TRERF1: variants seen among roughly 807,000 people sequenced by gnomAD.
The protein encoded by TRERF1 is transcriptional regulating factor 1.
Under a neutral mutation model 122.9 loss-of-function variants are expected in TRERF1, and 27 were observed. That is an observed-to-expected ratio of 0.22 (90% CI 0.16 to 0.30). The LOEUF (loss-of-function observed/expected upper bound fraction) is 0.30, where lower values mean the gene tolerates loss of function less well. TRERF1 is among the 10% of genes least tolerant of loss of function. The probability of loss-of-function intolerance (pLI) is 1.00; values close to 1 mark genes in which losing one functional copy is unlikely to be tolerated. For missense variants in TRERF1, 1,248 were observed against 1,560.3 expected, an observed-to-expected ratio of 0.80 and a Z score of 3.37; for synonymous variants, 636 against 641.7, an observed-to-expected ratio of 0.99 and a Z score of 0.13.
intron 3 of TRERF1, among the ~76,000 whole-genome samples, chr6:42,347,425 G>A (rs1243157014): frequency 6.6e-6 from 1 of 152,212 alleles, no homozygotes; most frequent in Non-Finnish European, 1.5e-5. Flanking sequence ...TGGGGAGAGG[G>A]AGTGGAGGTG....
intron 3 of TRERF1, among the ~76,000 whole-genome samples, chr6:42,302,001 C>T (rs984710473): frequency 1.3e-5 from 2 of 152,128 alleles, no homozygotes; most frequent in African/African-American, 2.4e-5. Flanking sequence ...GTGGTGGCAC[C>T]CACCTGCTGT....
intron 2 of TRERF1, among the ~76,000 whole-genome samples, chr6:42,412,987 C>G (rs1035035521): frequency 6.6e-6 from 1 of 152,074 alleles, no homozygotes; most frequent in South Asian, 2.1e-4. Context: ...AAAGAAAACT[C>G]AGCTAAATCA....
chr6:42,315,738 G>A (rs370402411), intron 3 of TRERF1, among the ~76,000 whole-genome samples: 1 of 111,962 alleles, frequency 8.9e-6, no homozygotes, highest in South Asian at 3.1e-4. Context: ...ACCCCCTAAC[G>A]TCATAGTGAA....
At chr6:42,301,387 A>G (rs1786161478) in intron 3 of TRERF1, among the ~76,000 whole-genome samples, 1 of 151,970 alleles carries the variant, frequency 6.6e-6, no homozygotes, top group African/African-American at 2.4e-5. Context: ...CCACCACCAC[A>G]CCTGGCTAAT....
chr6:42,316,536 G>GT (rs1762531879), intron 3 of TRERF1, among the ~76,000 whole-genome samples: 1 of 152,192 alleles, frequency 6.6e-6, no homozygotes. Flanking sequence ...GATTATGACA[G>GT]TGACAGGAGT....
intron 13 of TRERF1, among the ~76,000 whole-genome samples, chr6:42,253,493 A>G (rs1776200390): frequency 6.6e-6 from 1 of 152,222 alleles, no homozygotes; most frequent in African/African-American, 2.4e-5. Flanking sequence ...TCCATGGCAG[A>G]TTAGGGAGAA....
chr6:42,332,139 C>T (rs142099386), intron 3 of TRERF1, among the ~76,000 whole-genome samples: 327 of 152,320 alleles, frequency 2.1e-3, no homozygotes, highest in African/African-American at 7.5e-3. Flanking sequence ...GACAGGGTTT[C>T]GCCATGTTGG....
At chr6:42,292,309 C>T (rs1251740371) in intron 4 of TRERF1, among the ~76,000 whole-genome samples, 1 of 152,108 alleles carries the variant, frequency 6.6e-6, no homozygotes, top group Non-Finnish European at 1.5e-5. Context: ...TGCTCAGGGG[C>T]AGAAATTGCC....
intron 2 of TRERF1, among the ~76,000 whole-genome samples, chr6:42,386,995 T>C (rs2151202317): frequency 6.6e-6 from 1 of 152,320 alleles, no homozygotes; most frequent in Admixed American, 6.5e-5. Flanking sequence ...TCACCAATTA[T>C]GACACCCAAA....
chr6:42,305,464 A>G (rs995865740), intron 3 of TRERF1, among the ~76,000 whole-genome samples: 2 of 152,192 alleles, frequency 1.3e-5, no homozygotes, highest in Non-Finnish European at 2.9e-5. Flanking sequence ...AGTGAAGATT[A>G]GGAGTCTTAG....
Position 42,269,787 on chromosome 6 carries a change from C to T in TRERF1, c.-197G>A, listed in dbSNP as rs971140154. 4 of 1,417,986 alleles carry T rather than the reference C, an allele frequency of 2.8e-6. No homozygotes were observed. The Admixed American group carries it at 1.2e-4, about 41-fold the overall frequency. 87.8% of individuals were successfully genotyped at this position (1,417,986 alleles called of 1,614,324 possible). On this transcript the variant is annotated 5_prime_UTR_variant, in exon 5 of 18. In the 5' UTR this introduces an upstream ATG that the reference lacks. Coordinates refer to ENST00000372922, the Ensembl canonical transcript of TRERF1. The surrounding 1 kb of genome is among the most constrained non-coding windows in gnomAD (Gnocchi z 4.9). ...CTCATGTGCAGGGCGGGGGGTTTCA[C>T]ATCCTCTCCCTGGCTGAGGTATAGA...
chr6:42,228,364 T>G lies in TRERF1; in HGVS notation c.3584A>C (p.Gln1195Pro), dbSNP rs1410627262. The change falls in exon 18 of 18, where the codon CAG becomes CCG. Residue 1195 changes from glutamine to proline, a missense_variant. Coordinates refer to ENST00000372922, the Ensembl canonical transcript of TRERF1. The surrounding 1 kb of genome is among the most constrained non-coding windows in gnomAD (Gnocchi z 4.2). ...AGGGCTTTATAGTTCTGCGTCACCCTGAAGCAAGACTGAATCTTGATCATC... is the reference window on the plus strand; with the variant it reads ...AGGGCTTTATAGTTCTGCGTCACCCGGAAGCAAGACTGAATCTTGATCATC... The G allele has an allele frequency of 1.2e-6, 2 of 1,613,372 alleles. No individual in the cohort carries two copies. The highest frequency in any genetic ancestry group is 8.5e-7 in the Non-Finnish European group (1 of 1,179,478).
At chr6:42,430,219 A>AC (rs1254547969) in intron 2 of TRERF1, among the ~76,000 whole-genome samples, 1 of 151,918 alleles carries the variant, frequency 6.6e-6, no homozygotes, top group Admixed American at 6.6e-5. Context: ...ATTCTCTGCC[A>AC]CCCCATCCCA....
chr6:42,245,142 A>G (rs57063757), intron 14 of TRERF1, among the ~76,000 whole-genome samples: 3,664 of 152,320 alleles, frequency 0.024, 145 homozygotes, highest in African/African-American at 0.082. Context: ...TCAATACACG[A>G]ATCCATCATC....
At chr6:42,253,477 G>A (rs373581829) in intron 13 of TRERF1, among the ~76,000 whole-genome samples, 2 of 152,200 alleles carry the variant, frequency 1.3e-5, no homozygotes, top group African/African-American at 4.8e-5. Flanking sequence ...AGAGGACTGA[G>A]CTGTTTCCAT....
chr6:42,447,892 C>A (rs577184978), intron 2 of TRERF1, among the ~76,000 whole-genome samples: 1 of 152,066 alleles, frequency 6.6e-6, no homozygotes, highest in East Asian at 1.9e-4. Flanking sequence ...TTTGTAGAGA[C>A]GGGGTTTCAC....
At chr6:42,368,710 C>T (rs1046426306) in intron 2 of TRERF1, among the ~76,000 whole-genome samples, 6 of 152,130 alleles carry the variant, frequency 3.9e-5, no homozygotes, top group East Asian at 1.9e-4. Flanking sequence ...TTAAAGTCCA[C>T]GCTTTGGACT....
At chr6:42,388,064 G>A (rs1401705627) in intron 2 of TRERF1, among the ~76,000 whole-genome samples, 2 of 152,144 alleles carry the variant, frequency 1.3e-5, no homozygotes, top group African/African-American at 2.4e-5. Flanking sequence ...TGGGATTACA[G>A]GCATAAGCCA....
intron 3 of TRERF1, among the ~76,000 whole-genome samples, chr6:42,315,109 G>A (rs1236127519): frequency 2.0e-5 from 3 of 152,150 alleles, no homozygotes; most frequent in African/African-American, 4.8e-5. Context: ...ATGAGGCAGC[G>A]TGGTAGGACG....
Sources: gnomAD v4.1 joint callset for allele counts (sites outside exome capture counted in the v4.1 genomes callset) on GRCh38, gnomAD v4.1.1 for gene constraint, Gnocchi (gnomAD v3.1) non-coding constraint, MANE v1.5 for transcripts, NCBI Gene and HGNC (gene_info 2026-07-23, HGNC 2026-07-21) for gene names.